Variants in MAPK4 observed in about 807,000 individuals in gnomAD.
MAPK4 encodes Erk3-related.
MAPK4 carries 22 observed loss-of-function variants against 47.7 expected under a neutral mutation model. The ratio of observed to expected loss-of-function variants is 0.46; its 90% CI spans 0.33 to 0.66. The LOEUF is 0.66. MAPK4 is among the 30% of genes least tolerant of loss of function. The probability of loss-of-function intolerance (pLI) is 0.02; values close to 1 mark genes in which losing one functional copy is unlikely to be tolerated. For missense variants in MAPK4, 736 were observed against 831.7 expected, an observed-to-expected ratio of 0.88 and a Z score of 1.42; for synonymous variants, 390 against 365.7, an observed-to-expected ratio of 1.07 and a Z score of -0.76.
intron 1 of MAPK4, among the ~76,000 whole-genome samples, chr18:50,591,667 A>G (rs1226814341): frequency 6.6e-6 from 1 of 151,848 alleles, no homozygotes; most frequent in Non-Finnish European, 1.5e-5. Flanking sequence ...AGTGTAAGGC[A>G]CAGGTAAGCA....
At chr18:50,619,703 G>A (rs748161788) in intron 1 of MAPK4, among the ~76,000 whole-genome samples, 9 of 152,286 alleles carry the variant, frequency 5.9e-5, no homozygotes, top group Non-Finnish European at 7.3e-5. Context: ...TTGTTCCTGC[G>A]TCTTTTCAGT....
chr18:50,717,368 C>T lies in MAPK4; in HGVS notation c.691+2145C>T, dbSNP rs562078388. 7.9e-5 allele frequency among the ~76,000 whole-genome samples: 12 copies of T among 152,264 alleles called. No homozygotes were observed. In the East Asian group the frequency reaches 9.7e-4, roughly 12 times the overall value. ...TTGCTTGATCATGACTGCAGTGTGG[C>T]CCAGGGGGAGCGTGTTTTCTCTTGG... On this transcript the variant is annotated intron_variant, in intron 3 of 5. Transcript: ENST00000400384.
chr18:50,722,143 G>C (rs1910970564), intron 4 of MAPK4, 44 bp downstream of exon 4: 3 of 1,588,508 alleles, frequency 1.9e-6, no homozygotes, highest in Admixed American at 3.7e-5. Context: ...GGGAGGATGA[G>C]CTAGGCTCCA....
intron 2 of MAPK4, among the ~76,000 whole-genome samples, chr18:50,702,453 G>A (rs2144387578): frequency 6.6e-6 from 1 of 152,260 alleles, no homozygotes; most frequent in African/African-American, 2.4e-5. Context: ...TATGCAGCAT[G>A]TTTACATTTG....
At chr18:50,587,050 C>G (rs2042395037) in intron 1 of MAPK4, among the ~76,000 whole-genome samples, 1 of 152,180 alleles carries the variant, frequency 6.6e-6, no homozygotes, top group Non-Finnish European at 1.5e-5. Flanking sequence ...CATACTCTAC[C>G]TTATTTGATT....
chr18:50,692,565 A>T (rs1371421438), intron 2 of MAPK4, among the ~76,000 whole-genome samples: 1 of 152,200 alleles, frequency 6.6e-6, no homozygotes, highest in East Asian at 1.9e-4. Context: ...TTGATTTTAC[A>T]GGGTTGTTCT....
chr18:50,661,325 A>G (rs2043169588), intron 1 of MAPK4, among the ~76,000 whole-genome samples: 2 of 152,148 alleles, frequency 1.3e-5, no homozygotes, highest in Admixed American at 1.3e-4. Flanking sequence ...TGAGTTAGGT[A>G]TCCAGGCCAA....
At chr18:50,677,216 C>T (rs745682655) in intron 2 of MAPK4, among the ~76,000 whole-genome samples, 23 of 152,148 alleles carry the variant, frequency 1.5e-4, no homozygotes, top group African/African-American at 2.4e-4. Context: ...TTGTTTTCCA[C>T]GAAACTGATC....
At chr18:50,585,233 C>G (rs1019534970) in intron 1 of MAPK4, among the ~76,000 whole-genome samples, 4 of 152,132 alleles carry the variant, frequency 2.6e-5, no homozygotes, top group African/African-American at 9.7e-5. Context: ...AAAAGCTAGC[C>G]CTGTGGTTCT....
rs1422572183 is a variant in MAPK4 at position 50,673,256 on chromosome 18, GAA to G, written c.546+8754_546+8755del. Among the ~76,000 whole-genome samples the G allele has an allele frequency of 4.6e-5, 7 of 152,264 alleles. 1 individual carries two copies. In the East Asian group the frequency reaches 7.7e-4, roughly 17 times the overall value. The stretch of plus-strand genomic sequence containing the variant: ...TGCACCACTTCACTCCAGCCTAAGC[GAA>G]AGAGTGAAACTCCGCCTCAAAAAAA... On this transcript the variant is annotated intron_variant, in intron 2 of 5. Transcript: ENST00000400384.
chr18:50,654,238 C>G (rs922523656), intron 1 of MAPK4, among the ~76,000 whole-genome samples: 1 of 152,212 alleles, frequency 6.6e-6, no homozygotes, highest in Non-Finnish European at 1.5e-5. Context: ...AAACTCAGGT[C>G]TGAACACTGA....
chr18:50,622,496 G>A (rs552445729), intron 1 of MAPK4, among the ~76,000 whole-genome samples: 106 of 152,292 alleles, frequency 7.0e-4, no homozygotes, highest in African/African-American at 2.3e-3. Context: ...AGGTGACTCC[G>A]TTCAGCCAAG....
At chr18:50,675,498 A>T (rs1908212142) in intron 2 of MAPK4, among the ~76,000 whole-genome samples, 1 of 146,850 alleles carries the variant, frequency 6.8e-6, no homozygotes, top group South Asian at 2.2e-4. Flanking sequence ...GTTTTTATTT[A>T]TTTATTTTTT....
At chr18:50,641,109 G>A (rs916118381) in intron 1 of MAPK4, among the ~76,000 whole-genome samples, 2 of 152,210 alleles carry the variant, frequency 1.3e-5, no homozygotes, top group African/African-American at 4.8e-5. Context: ...GACCCATGAA[G>A]CCAGGCTCCA....
intron 2 of MAPK4, among the ~76,000 whole-genome samples, chr18:50,706,340 T>C (rs1053246171): frequency 6.6e-6 from 1 of 152,102 alleles, no homozygotes; most frequent in Non-Finnish European, 1.5e-5. Flanking sequence ...CAAATACAGC[T>C]ACACCTTGGA....
intron 1 of MAPK4, among the ~76,000 whole-genome samples, chr18:50,572,871 C>T (rs2042262027): frequency 6.6e-6 from 1 of 152,126 alleles, no homozygotes; most frequent in Admixed American, 6.5e-5. Context: ...ATTATCACCA[C>T]CAAAAGCAAC....
intron 3 of MAPK4, among the ~76,000 whole-genome samples, chr18:50,720,853 T>C (rs1910902089): frequency 6.6e-6 from 1 of 152,164 alleles, no homozygotes; most frequent in Admixed American, 6.5e-5. Context: ...CTGCAGGCAC[T>C]TCTTCGGTCA....
chr18:50,649,103 G>A (rs1017872186), intron 1 of MAPK4, among the ~76,000 whole-genome samples: 4 of 152,182 alleles, frequency 2.6e-5, no homozygotes, highest in African/African-American at 7.2e-5. Flanking sequence ...AGGGATGGGG[G>A]TAGGCCCTGG....
chr18:50,622,864 C>T (rs1185092320), intron 1 of MAPK4, among the ~76,000 whole-genome samples: 1 of 152,204 alleles, frequency 6.6e-6, no homozygotes, highest in East Asian at 1.9e-4. Flanking sequence ...GAGTGAAAGC[C>T]AGTGCGCCCA....
Sources: gnomAD v4.1 joint callset for allele counts (sites outside exome capture counted in the v4.1 genomes callset) on GRCh38, gnomAD v4.1.1 for gene constraint, MANE v1.5 for transcripts, NCBI Gene and HGNC (gene_info 2026-07-23, HGNC 2026-07-21) for gene names.